The following TRAPPC11 variants were observed in gnomAD, a reference collection of about 807,000 sequenced individuals.
TRAPPC11 encodes trafficking protein particle complex subunit 11.
TRAPPC11 carries 104 observed loss-of-function variants against 151.2 expected under a neutral mutation model. The observed-to-expected ratio is 0.69, with a 90% CI of 0.59 to 0.81. The LOEUF is 0.81. Ranked by LOEUF, TRAPPC11 falls within the 30% of genes least tolerant of loss-of-function variation. The probability of loss-of-function intolerance (pLI) is 0.00; values close to 1 mark genes in which losing one functional copy is unlikely to be tolerated. For synonymous variants in TRAPPC11, 456 were observed against 472.3 expected, an observed-to-expected ratio of 0.97 and a Z score of 0.45; for missense variants, 1,230 against 1,349.6, an observed-to-expected ratio of 0.91 and a Z score of 1.39.
chr4:183,663,224 T>C (rs1192060979), intron 1 of TRAPPC11, among the ~76,000 whole-genome samples: 1 of 151,728 alleles, frequency 6.6e-6, no homozygotes. Context: ...TGCCACCATG[T>C]CCAGCTAATT....
intron 15 of TRAPPC11, 44 bp downstream of exon 15, chr4:183,684,885 A>G: frequency 1.3e-6 from 2 of 1,563,714 alleles, no homozygotes; most frequent in South Asian, 2.3e-5. Flanking sequence ...ACATAAAATT[A>G]TTTAGCATCT....
At chr4:183,683,752 T>C in intron 11 of TRAPPC11, 3 of 540,330 alleles carry the variant, frequency 5.6e-6, no homozygotes, top group South Asian at 4.7e-5. Flanking sequence ...TTGATTCCAG[T>C]AGGTAGAAGA....
chr4:183,680,414 C>CTT lies in TRAPPC11; in HGVS notation c.1113+149_1113+150dup, dbSNP rs1032662881. On this transcript the variant is annotated intron_variant, in intron 10 of 29. Transcript: ENST00000334690. ...TTATAGCTTTAGGAATTACATTGAT[C>CTT]TTTGGTTTTAGCCTGAGTACTCTGT... 38 of 929,364 alleles carry CTT rather than the reference C, an allele frequency of 4.1e-5. No individual in the cohort carries two copies. The African/African-American group carries it at 4.8e-4, about 12-fold the overall frequency. The allele number at this position is 929,364 out of a possible 1,614,324, so 57.6% of individuals were successfully genotyped here. A position where few individuals can be genotyped will look rare whatever the true frequency, so the allele number is the denominator to read the frequency against.
In TRAPPC11 at chr4:183,668,118, G is replaced by T; in HGVS notation, c.560+1G>T. ...ACCACCTTGTGGGTTATATTATAAGGTAAGTAGAGGTCTTTTAAAGTTTTG... is the reference window on the plus strand; with the variant it reads ...ACCACCTTGTGGGTTATATTATAAGTTAAGTAGAGGTCTTTTAAAGTTTTG... On this transcript the variant is annotated splice_donor_variant, in intron 5 of 29. Transcript: ENST00000334690. LOFTEE classifies it high-confidence loss of function. 1 of 1,543,570 alleles carries T rather than the reference G, an allele frequency of 6.5e-7. No individual in the cohort carries two copies. Among genetic ancestry groups the T allele is most frequent in the Non-Finnish European group, 8.9e-7 (1 of 1,129,014 alleles).
chr4:183,661,404 C>T (rs1734516898), intron 1 of TRAPPC11, among the ~76,000 whole-genome samples: 2 of 125,912 alleles, frequency 1.6e-5, no homozygotes, highest in South Asian at 2.5e-4. Context: ...AGTCTCCTCG[C>T]TCTGTCGCCC....
In TRAPPC11 at chr4:183,674,737, T is replaced by C. The variant is rs1411666786; in HGVS notation, c.585T>C (p.His195=). 1.3e-6 allele frequency: 2 copies of C among 1,576,230 alleles called. No homozygotes were observed. Among genetic ancestry groups the C allele is most frequent in the African/African-American group, 1.4e-5 (1 of 72,638 alleles). ...GATTGGAAAATGCCTTTTATGAACA[T>C]GCACAGACTTATTACTACACTGAGA... is the stretch of plus-strand genomic sequence containing the variant. ...IIRLENAFYE[H]AQTYYYTEIR... Residue 195 remains histidine, a synonymous_variant, in exon 6 of 30, where the codon CAT becomes CAC. Transcript: ENST00000334690.
rs781604436 is a variant in TRAPPC11 at position 183,691,468 on chromosome 4, T to C, written c.2046T>C (p.Ile682=). Residue 682 remains isoleucine (I), a synonymous_variant, in exon 19 of 30, where the codon ATT becomes ATC. Transcript: ENST00000334690. ...VAKTEDVGKK[I]EITSVDLALG... is the part of the protein sequence containing the mutation. ...AAACTGAAGATGTGGGAAAGAAAAT[T>C]GAGGTTAGTTATGAAATTTGTTTTA... The C allele has an allele frequency of 2.0e-6, 3 of 1,486,880 alleles. No homozygotes were observed. The highest frequency in any genetic ancestry group is 1.8e-6 in the Non-Finnish European group (2 of 1,101,592). The allele number at this position is 1,486,880 out of a possible 1,614,324, so 92.1% of individuals were successfully genotyped here.
At chr4:183,681,868 G>T (rs1735717710) in intron 10 of TRAPPC11, among the ~76,000 whole-genome samples, 1 of 152,024 alleles carries the variant, frequency 6.6e-6, no homozygotes, top group Non-Finnish European at 1.5e-5. Context: ...TTAATTTTTG[G>T]AGATAACTAA....
rs71589581 is a variant in TRAPPC11, at chr4:183,680,679, C to CTTTTTTT, written c.1113+427_1113+433dup. ...CCTGGGGTTTTCCTGTATGGAGACT[C>CTTTTTTT]TTTTTTTTTTTTTTTTTTTTTGGAG... is the stretch of plus-strand genomic sequence containing the variant. On this transcript the variant is annotated intron_variant, in intron 10 of 29. Coordinates refer to ENST00000334690, the MANE Select transcript of TRAPPC11 (RefSeq NM_021942.6). 6.7e-3 allele frequency among the ~76,000 whole-genome samples: 559 copies of CTTTTTTT among 82,930 alleles called. 28 individuals are homozygous for CTTTTTTT. Among genetic ancestry groups the CTTTTTTT allele is most frequent in the East Asian group, 9.1e-3 (22 of 2,422 alleles). 54.4% of individuals were successfully genotyped at this position (82,930 alleles called of 152,430 possible).
intron 4 of TRAPPC11, 86 bp downstream of exon 4, chr4:183,667,216 C>A: frequency 1.9e-6 from 2 of 1,038,934 alleles, no homozygotes; most frequent in South Asian, 1.5e-5. Flanking sequence ...ATGTTTAAAT[C>A]TTTTATGCAT....
intron 19 of TRAPPC11, among the ~76,000 whole-genome samples, chr4:183,691,748 A>G (rs1579202573): frequency 6.6e-6 from 1 of 152,104 alleles, no homozygotes; most frequent in Non-Finnish European, 1.5e-5. Flanking sequence ...ATTAGATATT[A>G]TTTCTTGTTA....
At chr4:183,691,536 A>T (rs1736260559) in intron 19 of TRAPPC11, 65 bp downstream of exon 19, 1 of 1,004,538 alleles carries the variant, frequency 1.0e-6, no homozygotes, top group African/African-American at 1.7e-5. Flanking sequence ...CAATATTTTA[A>T]ATAATACAAA....
In TRAPPC11 at chr4:183,706,828, T is replaced by A. The variant is rs745343977; in HGVS notation, c.3077T>A (p.Val1026Asp). The A allele has an allele frequency of 6.2e-7, 1 of 1,613,874 alleles. No individual in the cohort carries two copies. The highest frequency in any genetic ancestry group is 2.2e-5 in the East Asian group (1 of 44,882). The change falls in exon 28 of 30, where the codon GTC (valine) becomes GAC (aspartate). Residue 1026 changes from valine (V) to aspartate (D), a missense_variant. Coordinates refer to ENST00000334690, the MANE Select transcript of TRAPPC11 (RefSeq NM_021942.6). ...VNADLPSFGR[V>D]RESLPVKYHL... is the part of the protein sequence containing the mutation. The stretch of plus-strand genomic sequence containing the variant: ...GTAGATCTGCCGTCATTTGGGCGTG[T>A]CAGAGAGTCGTTACCTGTCAAGTAT...
chr4:183,662,918 A>G (rs768412452), intron 1 of TRAPPC11, among the ~76,000 whole-genome samples: 3 of 152,306 alleles, frequency 2.0e-5, no homozygotes, highest in Middle Eastern at 3.4e-3. Context: ...CTTCATTTTT[A>G]ACATGAAAGA....
chr4:183,687,278 A>T (rs537404773), intron 18 of TRAPPC11, among the ~76,000 whole-genome samples: 2 of 113,998 alleles, frequency 1.8e-5, no homozygotes, highest in African/African-American at 7.0e-5. Context: ...ATAAAGTCTT[A>T]AGAATTCTCT....
chr4:183,684,398 A>T (rs1283196030), intron 14 of TRAPPC11, 39 bp downstream of exon 14: 4 of 1,560,522 alleles, frequency 2.6e-6, no homozygotes, highest in Non-Finnish European at 3.5e-6. Flanking sequence ...AAGTATTTGG[A>T]TTATCTGAAG....
chr4:183,701,872 C>T lies in TRAPPC11; in HGVS notation c.2963+64C>T, dbSNP rs138086604. ...CTGTTATTCTCATACCTTTATTATT[C>T]ATCTTTGTCACTTAATATTTGAGAG... On this transcript the variant is annotated intron_variant, in intron 26 of 29. Transcript: ENST00000334690. 1.2e-3 allele frequency: 1,330 copies of T among 1,075,258 alleles called. 13 individuals carry two copies. The African/African-American group carries it at 0.018, about 15-fold the overall frequency. The allele number at this position is 1,075,258 out of a possible 1,614,324, so 66.6% of individuals were successfully genotyped here. A position where few individuals can be genotyped will look rare whatever the true frequency, so the allele number is the denominator to read the frequency against.
At chr4:183,680,738 G>T (rs1735639826) in intron 10 of TRAPPC11, among the ~76,000 whole-genome samples, 1 of 133,744 alleles carries the variant, frequency 7.5e-6, no homozygotes, top group African/African-American at 2.9e-5. Context: ...AGGCTAGAGT[G>T]CAGTGGTGCA....
In TRAPPC11 at chr4:183,666,434, C is replaced by T; in HGVS notation, c.374+8C>T. ...CAGAGTGGAAATAGTCAGGTATGATCTTCTGTGTCAGGGCAGCTATGTCAG... is the reference window on the plus strand; with the variant it reads ...CAGAGTGGAAATAGTCAGGTATGATTTTCTGTGTCAGGGCAGCTATGTCAG... On this transcript the variant is annotated splice_region_variant and intron_variant, in intron 3 of 29. Coordinates refer to ENST00000334690, the MANE Select transcript of TRAPPC11 (RefSeq NM_021942.6). The T allele has an allele frequency of 6.2e-7, 1 of 1,611,088 alleles. No homozygotes were observed. Among genetic ancestry groups the T allele is most frequent in the South Asian group, 1.1e-5 (1 of 90,830 alleles).
Sources: allele counts gnomAD v4.1 joint callset (sites outside exome capture counted in the v4.1 genomes callset), GRCh38; gene constraint gnomAD v4.1.1; transcripts MANE v1.5; gene names NCBI Gene and HGNC (gene_info 2026-07-23, HGNC 2026-07-21).